The following DCAF7 variants were observed in gnomAD, a reference collection of about 807,000 sequenced individuals.
DCAF7 encodes the protein DDB1- and CUL4-associated factor 7.
DCAF7 carries 4 observed loss-of-function variants against 41.2 expected under a neutral mutation model. The ratio of observed to expected loss-of-function variants is 0.10; its 90% CI spans 0.05 to 0.22. The LOEUF is 0.22. Among genes scored for constraint, DCAF7 ranks in the 10% least tolerant of loss-of-function variants. DCAF7 has a pLI of 1.00. For synonymous variants in DCAF7, 143 were observed against 164.2 expected, an observed-to-expected ratio of 0.87 and a Z score of 0.99; for missense variants, 131 against 443.2, an observed-to-expected ratio of 0.30 and a Z score of 6.32.
At chr17:63,581,559 A>T (rs559324504) in intron 4 of DCAF7, among the ~76,000 whole-genome samples, 1 of 152,214 alleles carries the variant, frequency 6.6e-6, no homozygotes, top group Non-Finnish European at 1.5e-5. Flanking sequence ...CCTGCCTCCC[A>T]TCATCCATTT....
rs189731325 is a variant in DCAF7, at chr17:63,566,127, T to G, written c.139-12343T>G. On this transcript the variant is annotated intron_variant, in intron 1 of 6. Transcript: ENST00000614556. ...AAAACAAAACGAAAATCCCAGCACT[T>G]TGGGAGGCCGAGGTGGGCGGACCAT... 2.1e-3 allele frequency among the ~76,000 whole-genome samples: 312 copies of G among 150,874 alleles called. 2 individuals are homozygous for G. The highest frequency in any genetic ancestry group is 2.2e-3 in the Admixed American group (33 of 15,144).
chr17:63,570,951 C>T (rs1445211787), intron 1 of DCAF7, among the ~76,000 whole-genome samples: 5 of 151,930 alleles, frequency 3.3e-5, no homozygotes, highest in Admixed American at 6.6e-5. Flanking sequence ...TTTGGGAGGC[C>T]GAGGCTGGTA....
intron 2 of DCAF7, among the ~76,000 whole-genome samples, 162 bp downstream of exon 2, chr17:63,578,790 A>C (rs1334508499): frequency 1.3e-5 from 2 of 152,218 alleles, no homozygotes; most frequent in African/African-American, 4.8e-5. Flanking sequence ...TTGGCTCAGC[A>C]GATTTTCTAG....
intron 1 of DCAF7, among the ~76,000 whole-genome samples, chr17:63,555,722 C>A (rs2033303960): frequency 6.6e-6 from 1 of 152,164 alleles, no homozygotes; most frequent in South Asian, 2.1e-4. Flanking sequence ...GTTTTAACTT[C>A]CTCCTTTTTC....
intron 1 of DCAF7, among the ~76,000 whole-genome samples, chr17:63,564,358 C>T (rs2033418666): frequency 6.6e-6 from 1 of 152,122 alleles, no homozygotes; most frequent in African/African-American, 2.4e-5. Flanking sequence ...CAGGCTAGAA[C>T]TCTGGTATCT....
chr17:63,551,301 A>ACCCCCCCC (rs1598022953), intron 1 of DCAF7, among the ~76,000 whole-genome samples: 2 of 62,216 alleles, frequency 3.2e-5, no homozygotes, highest in Non-Finnish European at 7.0e-5. Flanking sequence ...CCCGCCCCCT[A>ACCCCCCCC]CTCCCACCCC....
At chr17:63,587,498 A>G (rs1338041611) in intron 6 of DCAF7, among the ~76,000 whole-genome samples, 1 of 151,882 alleles carries the variant, frequency 6.6e-6, no homozygotes, top group African/African-American at 2.4e-5. Flanking sequence ...ACCTGCCTTG[A>G]GCCCCTTCAA....
intron 1 of DCAF7, among the ~76,000 whole-genome samples, chr17:63,551,481 C>T (rs1342702851): frequency 6.6e-6 from 1 of 152,114 alleles, no homozygotes; most frequent in African/African-American, 2.4e-5. Flanking sequence ...TGGCTTGTTT[C>T]GTGCTAGTAC....
intron 1 of DCAF7, among the ~76,000 whole-genome samples, chr17:63,564,970 G>A (rs1350568835): frequency 2.0e-5 from 3 of 152,224 alleles, no homozygotes; most frequent in Non-Finnish European, 4.4e-5. Context: ...TAACAGTACA[G>A]TCACGAATCT....
chr17:63,551,664 G>A (rs1157954790), intron 1 of DCAF7, among the ~76,000 whole-genome samples: 1 of 152,024 alleles, frequency 6.6e-6, no homozygotes, highest in East Asian at 1.9e-4. Context: ...TCAAAGTTGT[G>A]AATGATAGCG....
chr17:63,587,429 C>T (rs1459688749), intron 6 of DCAF7, among the ~76,000 whole-genome samples: 1 of 152,030 alleles, frequency 6.6e-6, no homozygotes, highest in East Asian at 1.9e-4. Context: ...CCCGTAGAAG[C>T]CCCATTTTCT....
intron 1 of DCAF7, among the ~76,000 whole-genome samples, chr17:63,559,399 GTA>G (rs10637228): frequency 4.5e-5 from 4 of 88,096 alleles, no homozygotes; most frequent in Admixed American, 1.3e-4. Flanking sequence ...ATATATATAT[GTA>G]TATATATGTA....
At chr17:63,580,050 T>C (rs2033603960) in intron 4 of DCAF7, 107 bp downstream of exon 4, 1 of 786,188 alleles carries the variant, frequency 1.3e-6, no homozygotes, top group Non-Finnish European at 2.1e-6. Flanking sequence ...TAGAAAATCA[T>C]AACATAACAT....
chr17:63,552,179 A>C (rs2033264586), intron 1 of DCAF7: 1 of 152,130 alleles, frequency 6.6e-6, no homozygotes, highest in Non-Finnish European at 1.5e-5. Context: ...GAGATGTTGC[A>C]CAGGCCTGTT....
At chr17:63,588,524 C>T (rs893239521) in intron 6 of DCAF7, among the ~76,000 whole-genome samples, 100 of 148,686 alleles carry the variant, frequency 6.7e-4, no homozygotes, top group Admixed American at 6.6e-3. Context: ...CAGCACATAT[C>T]AGCACTACTT....
Position 63,591,749 on chromosome 17 carries a change from G to C in DCAF7, c.*2577G>C, listed in dbSNP as rs1400727825. 10 of 152,408 alleles carry C rather than the reference G, an allele frequency of 6.6e-5. No homozygotes were observed. In the East Asian group the frequency reaches 1.9e-3, roughly 29 times the overall value. The allele number at this position is 152,408 out of a possible 1,614,324, so 9.4% of individuals were successfully genotyped here. ...TGTAATTTGTTGAGGTTCTCAAACT[G>C]ACAGCCAGCGAGACTGGGTGGGAGG... On this transcript the variant is annotated 3_prime_UTR_variant, in exon 7 of 7. Transcript: ENST00000614556.
rs147493649 is a variant in DCAF7, at chr17:63,590,028, G to T, written c.*856G>T. On this transcript the variant is annotated 3_prime_UTR_variant, in exon 7 of 7. Transcript: ENST00000614556. ...TAGAGCTGAGAGAAACAGGCTCTCA[G>T]GGTACCTGACTTGAGGGGAATCGTT... 2 of 152,796 alleles carry T rather than the reference G, an allele frequency of 1.3e-5. No homozygotes were observed. The highest frequency in any genetic ancestry group is 4.8e-5 in the African/African-American group (2 of 41,584). 9.5% of individuals were successfully genotyped at this position (152,796 alleles called of 1,614,324 possible).
chr17:63,574,054 C>T (rs1460911412), intron 1 of DCAF7, among the ~76,000 whole-genome samples: 1 of 152,174 alleles, frequency 6.6e-6, no homozygotes. Flanking sequence ...ACCTTCCCAG[C>T]TGCATCTCCG....
chr17:63,559,206 G>A (rs980318790), intron 1 of DCAF7, among the ~76,000 whole-genome samples: 22 of 150,546 alleles, frequency 1.5e-4, no homozygotes, highest in Admixed American at 3.3e-4. Context: ...CGCTACTTGG[G>A]AGGCTGAGGC....
Sources: gnomAD v4.1 joint callset for allele counts (sites outside exome capture counted in the v4.1 genomes callset) on GRCh38, gnomAD v4.1.1 for gene constraint, MANE v1.5 for transcripts, NCBI Gene and HGNC (gene_info 2026-07-23, HGNC 2026-07-21) for gene names.